Variants in SLIT2 observed in about 807,000 individuals in gnomAD.
SLIT2 encodes slit guidance ligand 2, also known as slit homolog 2 protein.
A neutral mutation model predicts 185.7 loss-of-function variants in SLIT2; 41 were observed. The observed-to-expected ratio is 0.22, with a 90% CI of 0.17 to 0.29. SLIT2 has a LOEUF of 0.29. Among genes scored for constraint, SLIT2 ranks in the 10% least tolerant of loss-of-function variants. SLIT2 has a pLI of 1.00. For missense variants in SLIT2, 1,571 were observed against 1,909.0 expected (o/e 0.82, Z 3.30); for synonymous variants, 693 against 680.2 (o/e 1.02, Z -0.29).
chr4:20,499,732 C>T (rs1314534270), intron 9 of SLIT2, among the ~76,000 whole-genome samples: 1 of 152,068 alleles, frequency 6.6e-6, no homozygotes, highest in Admixed American at 6.6e-5. Flanking sequence ...TCGTGATCTG[C>T]CTGCCTCAGC....
At chr4:20,487,625 C>G (rs1035988067) in intron 7 of SLIT2, among the ~76,000 whole-genome samples, 18 of 152,086 alleles carry the variant, frequency 1.2e-4, no homozygotes, top group African/African-American at 4.1e-4. Context: ...TCTGTGGCTT[C>G]CAAAGGCCAG....
At chr4:20,541,704 CA>C in intron 20 of SLIT2, 85 bp downstream of exon 20, 9 of 1,177,340 alleles carry the variant, frequency 7.6e-6, no homozygotes, top group Non-Finnish European at 1.1e-5. Flanking sequence ...CAGCATAGTT[CA>C]GCTCAGCAAA....
chr4:20,297,771 C>A (rs1330607091), intron 4 of SLIT2, among the ~76,000 whole-genome samples: 1 of 150,578 alleles, frequency 6.6e-6, no homozygotes, highest in African/African-American at 2.4e-5. Flanking sequence ...TGAGGAAAAA[C>A]AAATAGGAGG....
chr4:20,331,531 C>T (rs1402673160), intron 4 of SLIT2, among the ~76,000 whole-genome samples: 1 of 141,822 alleles, frequency 7.1e-6, no homozygotes, highest in African/African-American at 3.0e-5. Context: ...TTCTTTAATA[C>T]TGTGATGTCA....
chr4:20,346,097 A>G lies in SLIT2; in HGVS notation c.395+77216A>G, dbSNP rs1013892637. Among the ~76,000 whole-genome samples the G allele has an allele frequency of 5.3e-5, 8 of 152,206 alleles. No homozygotes were observed. The South Asian group carries it at 1.7e-3, about 32-fold the overall frequency. ...AGCCTCGAACTTGCTGATTCAAGCA[A>G]TTCTCCCATCTCGGCCTCCCAAGTA... is the stretch of plus-strand genomic sequence containing the variant. On this transcript the variant is annotated intron_variant, in intron 4 of 36. Coordinates refer to ENST00000504154, the MANE Select transcript of SLIT2 (RefSeq NM_004787.4).
At position 20,378,116 on chromosome 4, in the gene SLIT2, A is replaced by G. The variant is rs569727828; in HGVS notation, c.396-89636A>G. 5.7e-4 allele frequency among the ~76,000 whole-genome samples: 87 copies of G among 152,202 alleles called. No individual in the cohort carries two copies. In the South Asian group the frequency reaches 0.015, roughly 25 times the overall value. On this transcript the variant is annotated intron_variant, in intron 4 of 36. Coordinates refer to ENST00000504154, the MANE Select transcript of SLIT2 (RefSeq NM_004787.4). ...TTTACAAATAAATTAATTATGATTGAAAAAGGCAGAATATTTTGGAAGCTG... is the reference window on the plus strand; with the variant it reads ...TTTACAAATAAATTAATTATGATTGGAAAAGGCAGAATATTTTGGAAGCTG...
chr4:20,343,438 G>A (rs1265497549), intron 4 of SLIT2, among the ~76,000 whole-genome samples: 2 of 151,878 alleles, frequency 1.3e-5, no homozygotes, highest in African/African-American at 4.8e-5. Flanking sequence ...GTATTCCATT[G>A]TGTATGTATA....
intron 4 of SLIT2, among the ~76,000 whole-genome samples, chr4:20,398,265 A>G (rs921663183): frequency 6.6e-6 from 1 of 151,896 alleles, no homozygotes; most frequent in Non-Finnish European, 1.5e-5. Flanking sequence ...TCAGAGTTGT[A>G]TTTGTTTGGT....
Position 20,488,901 on chromosome 4 carries a change from C to G in SLIT2, c.694C>G (p.Leu232Val). ...DWLRQRPRVG[L>V]YTQCMGPSHL... ...GCTTCGCCAAAGGCCTCGGGTTGGT[C>G]TGTACACTCAGTGTATGGGCCCCTC... is the stretch of plus-strand genomic sequence containing the variant. Residue 232 changes from leucine (L) to valine (V), a missense_variant, in exon 8 of 37, where the codon CTG becomes GTG. Around this residue, in one of 3 missense-constraint regions of SLIT2, gnomAD observed 1,202 missense variants for 1,416.4 expected, o/e 0.85. Transcript: ENST00000504154. 1 of 1,612,962 alleles carries G rather than the reference C, an allele frequency of 6.2e-7. No homozygotes were observed. Among genetic ancestry groups the G allele is most frequent in the East Asian group, 2.2e-5 (1 of 44,856 alleles).
intron 5 of SLIT2, among the ~76,000 whole-genome samples, chr4:20,473,093 A>T (rs1474812363): frequency 6.6e-6 from 1 of 152,004 alleles, no homozygotes; most frequent in East Asian, 1.9e-4. Context: ...TAAATGTACT[A>T]TGTGAGGTAA....
intron 4 of SLIT2, among the ~76,000 whole-genome samples, chr4:20,277,665 G>A (rs184886968): frequency 1.3e-5 from 2 of 149,982 alleles, no homozygotes; most frequent in Non-Finnish European, 1.5e-5. Context: ...TATTCTATTG[G>A]TAAGTTATGT....
intron 4 of SLIT2, among the ~76,000 whole-genome samples, chr4:20,348,059 T>C (rs934686235): frequency 1.3e-5 from 2 of 152,232 alleles, no homozygotes; most frequent in Non-Finnish European, 2.9e-5. Context: ...AAAGGGTGTG[T>C]ACCAACACCG....
intron 3 of SLIT2, among the ~76,000 whole-genome samples, chr4:20,266,102 A>G (rs1207285931): frequency 6.6e-6 from 1 of 151,740 alleles, no homozygotes; most frequent in African/African-American, 2.4e-5. Flanking sequence ...TTACTTACAC[A>G]GTGAATTAGA....
intron 4 of SLIT2, among the ~76,000 whole-genome samples, chr4:20,440,950 T>C (rs2148699562): frequency 1.3e-5 from 2 of 152,252 alleles, no homozygotes; most frequent in South Asian, 4.2e-4. Context: ...GGGTACAAGA[T>C]TTTTCACTGC....
chr4:20,345,345 A>T (rs941460268), intron 4 of SLIT2, among the ~76,000 whole-genome samples: 11 of 152,056 alleles, frequency 7.2e-5, no homozygotes, highest in African/African-American at 2.7e-4. Context: ...TTTGTGCCTC[A>T]ATTAGAGCAC....
At chr4:20,377,045 AAG>A (rs748822457) in intron 4 of SLIT2, among the ~76,000 whole-genome samples, 3 of 151,854 alleles carry the variant, frequency 2.0e-5, no homozygotes, top group Admixed American at 6.6e-5. Context: ...AAAAAATAAA[AAG>A]AGAGAGAGAA....
At chr4:20,522,627 T>C (rs1327914542) in intron 12 of SLIT2, among the ~76,000 whole-genome samples, 1 of 151,286 alleles carries the variant, frequency 6.6e-6, no homozygotes, top group Non-Finnish European at 1.5e-5. Context: ...CCGAGAATGA[T>C]GTTTGCCAAA....
chr4:20,268,120 T>A (rs562593763), intron 3 of SLIT2, among the ~76,000 whole-genome samples: 1 of 151,998 alleles, frequency 6.6e-6, no homozygotes, highest in African/African-American at 2.4e-5. Flanking sequence ...TAAATTGAGT[T>A]ACAGTTGCAA....
At chr4:20,458,650 G>T (rs1713355974) in intron 4 of SLIT2, among the ~76,000 whole-genome samples, 1 of 152,190 alleles carries the variant, frequency 6.6e-6, no homozygotes, top group Non-Finnish European at 1.5e-5. Flanking sequence ...CAGAGAGCCA[G>T]ACCTCTATAG....
Sources: allele counts gnomAD v4.1 joint callset (sites outside exome capture counted in the v4.1 genomes callset), GRCh38; gene constraint gnomAD v4.1.1; regional missense constraint gnomAD v4.1.1; transcripts MANE v1.5; gene names NCBI Gene and HGNC (gene_info 2026-07-23, HGNC 2026-07-21).